The following SCN1A variants were observed in gnomAD, a reference collection of about 807,000 sequenced individuals.
SCN1A encodes the protein sodium channel protein type 1 subunit alpha.
SCN1A carries 13 observed loss-of-function variants against 193.7 expected under a neutral mutation model. The ratio of observed to expected loss-of-function variants is 0.07; its 90% CI spans 0.04 to 0.11. SCN1A has a LOEUF of 0.11. Ranked by LOEUF, SCN1A falls within the 10% of genes least tolerant of loss-of-function variation. SCN1A has a pLI of 1.00. For synonymous variants in SCN1A, 781 were observed against 843.6 expected (o/e 0.93, Z 1.29); for missense variants, 1,432 against 2,451.1 (o/e 0.58, Z 8.78).
chr2:166,072,161 G>T (rs768272849), intron 4 of SCN1A, among the ~76,000 whole-genome samples: 6 of 152,068 alleles, frequency 3.9e-5, no homozygotes, highest in Admixed American at 2.0e-4. Context: ...TTAAGGTCCA[G>T]GTCCAACAAA....
intron 23 of SCN1A, chr2:166,009,394 G>T (rs183638526): frequency 5.7e-5 from 10 of 175,358 alleles, no homozygotes; most frequent in Non-Finnish European, 1.2e-4. Context: ...ATTTACTTTA[G>T]ATTACCATTA....
At chr2:166,083,367 G>A (rs918095072) in intron 2 of SCN1A, among the ~76,000 whole-genome samples, 1 of 151,946 alleles carries the variant, frequency 6.6e-6, no homozygotes, top group Non-Finnish European at 1.5e-5. Context: ...TTAAAATAAG[G>A]TCAGATATCT....
intron 4 of SCN1A, among the ~76,000 whole-genome samples, chr2:166,066,245 T>C (rs12998913): frequency 0.19 from 28,900 of 152,128 alleles, 3,130 homozygotes; most frequent in East Asian, 0.36. Context: ...TGAAACATTT[T>C]TCAGCCCTAT....
At position 166,013,794 on chromosome 2, in the gene SCN1A, A is replaced by G; in HGVS notation, c.3655T>C (p.Trp1219Arg). The change falls in exon 21 of 29, where the codon TGG becomes CGG. Residue 1219 changes from tryptophan to arginine, a missense_variant. Around this residue, in one of 18 missense-constraint regions of SCN1A, gnomAD observed 107 missense variants for 259.4 expected, o/e 0.41. Transcript: ENST00000674923. ...RTCFRIVEHN[W>R]FETFIVFMIL... is the part of the protein sequence containing the mutation. ...ATGAAAACAATGAAGGTCTCAAACCAGTTATGTTCAACTATTCGGAAACAC... is the reference window on the plus strand; with the variant it reads ...ATGAAAACAATGAAGGTCTCAAACCGGTTATGTTCAACTATTCGGAAACAC... 1 of 1,612,216 alleles carries G rather than the reference A, an allele frequency of 6.2e-7. No individual in the cohort carries two copies. Among genetic ancestry groups the G allele is most frequent in the Non-Finnish European group, 8.5e-7 (1 of 1,178,638 alleles).
In SCN1A at chr2:165,987,947, T is replaced by G. The variant is rs2105403511; in HGVS notation, c.*3298A>C. 6.6e-6 allele frequency: 1 copy of G among 152,144 alleles called. No individual in the cohort carries two copies. Among genetic ancestry groups the G allele is most frequent in the Admixed American group, 6.6e-5 (1 of 15,260 alleles). 9.4% of individuals were successfully genotyped at this position (152,144 alleles called of 1,614,324 possible). ...CAGCTACTAATATATCAGAATTAAT[T>G]GTTGTGTTGCTTTAGGATTGTGATG... On this transcript the variant is annotated 3_prime_UTR_variant, in exon 29 of 29. Transcript: ENST00000674923.
intron 23 of SCN1A, among the ~76,000 whole-genome samples, chr2:166,004,849 A>T (rs561463482): frequency 1.3e-5 from 2 of 151,420 alleles, no homozygotes; most frequent in Non-Finnish European, 3.0e-5. Context: ...CACTTCTTTC[A>T]TGGAGCCTAA....
chr2:166,025,549 T>C (rs1694649014), intron 19 of SCN1A, among the ~76,000 whole-genome samples: 1 of 152,190 alleles, frequency 6.6e-6, no homozygotes, highest in Admixed American at 6.5e-5. Context: ...ATAAATGTAA[T>C]GTAATTAAAG....
At chr2:166,020,368 TG>T (rs1198304748) in intron 19 of SCN1A, among the ~76,000 whole-genome samples, 3 of 152,208 alleles carry the variant, frequency 2.0e-5, no homozygotes, top group African/African-American at 4.8e-5. Flanking sequence ...TTCATTCTAA[TG>T]GACTTACTTA....
At chr2:166,000,827 T>A (rs892621994) in intron 24 of SCN1A, among the ~76,000 whole-genome samples, 1 of 151,510 alleles carries the variant, frequency 6.6e-6, no homozygotes, top group Non-Finnish European at 1.5e-5. Context: ...AAGGGACCAT[T>A]TCAATGACTT....
At chr2:166,035,048 G>A (rs565088942) in intron 19 of SCN1A, among the ~76,000 whole-genome samples, 7 of 152,104 alleles carry the variant, frequency 4.6e-5, no homozygotes, top group Non-Finnish European at 8.8e-5. Flanking sequence ...TAATGCATAG[G>A]GCAGTGTAAT....
In SCN1A at chr2:165,995,271, A is replaced by G. The variant is rs192340010; in HGVS notation, c.4581+742T>C. On this transcript the variant is annotated intron_variant, in intron 27 of 28. Coordinates refer to ENST00000674923, the MANE Select transcript of SCN1A (RefSeq NM_001165963.4). The stretch of plus-strand genomic sequence containing the variant: ...ATCATTCTCAGGAAGGCAATATTCA[A>G]TCATCACAATATGAATATTTGCTAG... 2.7e-3 allele frequency among the ~76,000 whole-genome samples: 408 copies of G among 151,944 alleles called. 3 individuals carry two copies. The highest frequency in any genetic ancestry group is 8.9e-3 in the African/African-American group (371 of 41,518).
Position 166,066,868 on chromosome 2 carries a change from G to T in SCN1A, c.264+6490C>A, listed in dbSNP as rs543678706. On this transcript the variant is annotated intron_variant, in intron 4 of 28. Transcript: ENST00000674923. The stretch of plus-strand genomic sequence containing the variant: ...TAAATACTTGTTGGGAATTCATTTT[G>T]CTTTGAAGATAACCTTCAAACTCTT... Among the ~76,000 whole-genome samples the T allele has an allele frequency of 3.9e-5, 6 of 152,232 alleles. No individual in the cohort carries two copies. In the South Asian group the frequency reaches 1.2e-3, roughly 32 times the overall value.
chr2:166,057,512 CA>C (rs1043807456), intron 5 of SCN1A, among the ~76,000 whole-genome samples: 5 of 151,874 alleles, frequency 3.3e-5, no homozygotes, highest in Admixed American at 3.3e-4. Context: ...AGTTTACTGC[CA>C]AAACAAAAAT....
At chr2:166,101,521 A>C (rs1003298440) in intron 2 of SCN1A, among the ~76,000 whole-genome samples, 8 of 152,072 alleles carry the variant, frequency 5.3e-5, no homozygotes, top group African/African-American at 1.4e-4. Flanking sequence ...AAAAAAAAAA[A>C]AAAACAGACA....
At chr2:166,084,505 T>G (rs1472585338) in intron 2 of SCN1A, among the ~76,000 whole-genome samples, 1 of 152,126 alleles carries the variant, frequency 6.6e-6, no homozygotes, top group African/African-American at 2.4e-5. Context: ...AAATAGTGCC[T>G]GAGTCAGCAA....
intron 2 of SCN1A, among the ~76,000 whole-genome samples, chr2:166,090,787 G>A (rs1198264716): frequency 6.6e-6 from 1 of 152,070 alleles, no homozygotes; most frequent in East Asian, 1.9e-4. Flanking sequence ...TATACTAGAA[G>A]CAAACTCTTA....
intron 2 of SCN1A, among the ~76,000 whole-genome samples, chr2:166,119,022 G>T (rs966683502): frequency 6.6e-6 from 1 of 152,174 alleles, no homozygotes; most frequent in Non-Finnish European, 1.5e-5. Flanking sequence ...TCCTGTGCAT[G>T]CACAGTTCAC....
intron 1 of SCN1A, among the ~76,000 whole-genome samples, chr2:166,136,749 G>C (rs1027508523): frequency 3.9e-5 from 6 of 152,232 alleles, no homozygotes; most frequent in African/African-American, 1.4e-4. Flanking sequence ...GCAATAGAGA[G>C]AGCCAATGCC....
intron 4 of SCN1A, 151 bp from the exon 5 acceptor site, chr2:166,058,839 C>T (rs1474788827): frequency 6.6e-6 from 4 of 608,290 alleles, no homozygotes; most frequent in South Asian, 2.0e-5. Flanking sequence ...TGAAAACAAA[C>T]TGTCACTGGA....
Sources: allele counts gnomAD v4.1 joint callset (sites outside exome capture counted in the v4.1 genomes callset), GRCh38; gene constraint gnomAD v4.1.1; regional missense constraint gnomAD v4.1.1; transcripts MANE v1.5; gene names NCBI Gene and HGNC (gene_info 2026-07-23, HGNC 2026-07-21).